Variants in PKIB observed in about 807,000 individuals in gnomAD.
PKIB encodes the protein cAMP-dependent protein kinase inhibitor beta, also known as PKI-beta.
In PKIB, 2 loss-of-function variants were observed where a neutral mutation model predicts 4.5. The observed-to-expected ratio is 0.44, with a 90% CI of 0.18 to 1.39. The LOEUF is 1.39. Among genes scored for constraint, PKIB ranks in the 40% most tolerant of loss-of-function variants. The pLI is 0.27. For synonymous variants in PKIB, 38 were observed against 36.0 expected (o/e 1.06, Z -0.20); for missense variants, 94 against 92.6 (o/e 1.02, Z -0.06).
chr6:122,681,611 C>A (rs868455135), intron 3 of PKIB, among the ~76,000 whole-genome samples: 3 of 151,956 alleles, frequency 2.0e-5, no homozygotes, highest in South Asian at 2.1e-4. Flanking sequence ...TTTGGATTAA[C>A]CAATTAAGAA....
At chr6:122,619,718 T>C (rs748012588) in intron 1 of PKIB, among the ~76,000 whole-genome samples, 6 of 152,164 alleles carry the variant, frequency 3.9e-5, no homozygotes, top group Non-Finnish European at 7.4e-5. Context: ...ATAATTTTGT[T>C]GGTCCTGAAA....
chr6:122,672,426 T>C (rs1274253330), intron 2 of PKIB, among the ~76,000 whole-genome samples: 1 of 152,226 alleles, frequency 6.6e-6, no homozygotes, highest in Non-Finnish European at 1.5e-5. Flanking sequence ...TCTACTGTGA[T>C]AAATTTCTGC....
At chr6:122,555,949 T>C (rs1158786729) in intron 2 of PKIB, among the ~76,000 whole-genome samples, 3 of 152,118 alleles carry the variant, frequency 2.0e-5, no homozygotes, top group Non-Finnish European at 4.4e-5. Flanking sequence ...TGTGGTCTAG[T>C]GGTTTGGGGC....
At chr6:122,706,034 G>A (rs761889219) in intron 3 of PKIB, among the ~76,000 whole-genome samples, 13 of 152,066 alleles carry the variant, frequency 8.5e-5, no homozygotes, top group Non-Finnish European at 1.8e-4. Flanking sequence ...ACACTCCATG[G>A]CAGCGAAATG....
intron 2 of PKIB, among the ~76,000 whole-genome samples, chr6:122,668,052 C>A (rs556881094): frequency 1.6e-4 from 25 of 152,134 alleles, no homozygotes; most frequent in Non-Finnish European, 1.0e-4. Context: ...GGTTTCTTTC[C>A]CCTCAAGCTA....
intron 2 of PKIB, among the ~76,000 whole-genome samples, chr6:122,648,905 G>T (rs545055279): frequency 3.9e-5 from 6 of 152,238 alleles, no homozygotes; most frequent in African/African-American, 1.4e-4. Flanking sequence ...CAACTTCCTT[G>T]TTGAGTGGAA....
intron 2 of PKIB, chr6:122,481,092 C>CTTCA (rs1775597944): frequency 1.3e-5 from 2 of 152,108 alleles, no homozygotes; most frequent in African/African-American, 4.8e-5. Flanking sequence ...CAGTGGAAAA[C>CTTCA]CTGACAGACA....
At chr6:122,669,324 T>G (rs2815598) in intron 2 of PKIB, among the ~76,000 whole-genome samples, 1 of 152,158 alleles carries the variant, frequency 6.6e-6, no homozygotes, top group South Asian at 2.1e-4. Context: ...TTCAGTTTTT[T>G]TTGGGAGCTT....
chr6:122,593,062 G>A (rs1774064236), intron 3 of PKIB, among the ~76,000 whole-genome samples: 1 of 152,166 alleles, frequency 6.6e-6, no homozygotes, highest in South Asian at 2.1e-4. Context: ...TGATGGTTAA[G>A]GTGTGTGGTG....
intron 2 of PKIB, among the ~76,000 whole-genome samples, chr6:122,662,228 C>T (rs1777018013): frequency 7.0e-6 from 1 of 143,154 alleles, no homozygotes; most frequent in South Asian, 2.2e-4. Context: ...TTTTTTGTCA[C>T]TTGTGCTTTG....
At chr6:122,545,641 T>C (rs1355752406) in intron 2 of PKIB, among the ~76,000 whole-genome samples, 2 of 150,528 alleles carry the variant, frequency 1.3e-5, no homozygotes, top group African/African-American at 4.9e-5. Context: ...CCCTTCTTTG[T>C]GGAGGGTGGC....
At chr6:122,497,882 ACT>A (rs1242617303) in intron 2 of PKIB, among the ~76,000 whole-genome samples, 8 of 152,136 alleles carry the variant, frequency 5.3e-5, no homozygotes, top group African/African-American at 9.7e-5. Flanking sequence ...TCTACAGGAC[ACT>A]CTACCCATCA....
intron 2 of PKIB, among the ~76,000 whole-genome samples, chr6:122,650,301 C>G (rs1473183199): frequency 6.6e-6 from 1 of 152,104 alleles, no homozygotes; most frequent in Admixed American, 6.6e-5. Context: ...CCTTCAAGCC[C>G]TTAATGGTGG....
intron 3 of PKIB, among the ~76,000 whole-genome samples, chr6:122,691,390 T>C (rs1371365308): frequency 6.6e-6 from 1 of 152,164 alleles, no homozygotes; most frequent in Non-Finnish European, 1.5e-5. Context: ...TTTTTGCTTT[T>C]GTCTGCTCTG....
At chr6:122,517,342 A>G (rs1169300908) in intron 2 of PKIB, among the ~76,000 whole-genome samples, 3 of 152,192 alleles carry the variant, frequency 2.0e-5, no homozygotes, top group Non-Finnish European at 2.9e-5. Context: ...TTGTTCTTTT[A>G]TAAGTCTAAT....
intron 2 of PKIB, among the ~76,000 whole-genome samples, chr6:122,524,206 TTCC>T (rs1199375867): frequency 2.0e-5 from 3 of 147,920 alleles, no homozygotes; most frequent in Admixed American, 2.0e-4. Flanking sequence ...TTCTTTCTTC[TTCC>T]TCCTCCTCCC....
intron 1 of PKIB, among the ~76,000 whole-genome samples, chr6:122,475,471 T>G (rs888201967): frequency 6.6e-6 from 1 of 151,926 alleles, no homozygotes; most frequent in African/African-American, 2.4e-5. Flanking sequence ...CTAGGCAACA[T>G]AGTGAGACTT....
intron 1 of PKIB, among the ~76,000 whole-genome samples, chr6:122,630,112 C>T (rs1775635241): frequency 1.3e-5 from 2 of 151,738 alleles, no homozygotes; most frequent in African/African-American, 2.4e-5. Flanking sequence ...TAAATCAAAA[C>T]TATTGTAAAA....
At chr6:122,674,799 G>A (rs987908940) in intron 2 of PKIB, among the ~76,000 whole-genome samples, 2 of 151,990 alleles carry the variant, frequency 1.3e-5, no homozygotes, top group Middle Eastern at 3.4e-3. Context: ...TCTCAACCTG[G>A]CAATGATCCT....
Sources: gnomAD v4.1 joint callset for allele counts (sites outside exome capture counted in the v4.1 genomes callset) on GRCh38, gnomAD v4.1.1 for gene constraint, MANE v1.5 for transcripts, NCBI Gene and HGNC (gene_info 2026-07-23, HGNC 2026-07-21) for gene names.